The following FTO variants were observed in gnomAD, a reference collection of about 807,000 sequenced individuals.
FTO encodes the protein FTO alpha-ketoglutarate dependent dioxygenase.
Under a neutral mutation model 63.9 loss-of-function variants are expected in FTO, and 47 were observed. The observed-to-expected ratio is 0.74, with a 90% CI of 0.58 to 0.94. The LOEUF (loss-of-function observed/expected upper bound fraction) is 0.94. FTO is among the 40% of genes least tolerant of loss of function. The pLI, the probability that FTO is intolerant of heterozygous loss-of-function variation, is 0.00. For synonymous variants in FTO, 207 were observed against 224.4 expected (o/e 0.92, Z 0.69); for missense variants, 562 against 618.1 (o/e 0.91, Z 0.96).
chr16:53,909,533 T>A lies in FTO; in HGVS notation c.1239+20582T>A, dbSNP rs924970184. ...AAAAAGAGGGACAGAGAGCCCCGCC[T>A]TTTTTTTTTTTTTTTTTTTTTTTTT... On this transcript the variant is annotated intron_variant, in intron 7 of 8. Transcript: ENST00000471389. Among the ~76,000 whole-genome samples the A allele has an allele frequency of 8.9e-4, 63 of 70,830 alleles. No homozygotes were observed. The East Asian group carries it at 0.019, about 22-fold the overall frequency. The allele number at this position is 70,830 out of a possible 152,430, so 46.5% of individuals were successfully genotyped here. A position where few individuals can be genotyped will look rare whatever the true frequency, so the allele number is the denominator to read the frequency against.
intron 1 of FTO, among the ~76,000 whole-genome samples, chr16:53,802,480 A>T (rs565776376): frequency 6.6e-6 from 1 of 151,980 alleles, no homozygotes; most frequent in African/African-American, 2.4e-5. Context: ...TGCTTTTAAG[A>T]CTTTATCTTT....
chr16:53,839,489 C>T (rs1295809058), intron 3 of FTO, among the ~76,000 whole-genome samples: 2 of 152,154 alleles, frequency 1.3e-5, no homozygotes, highest in African/African-American at 4.8e-5. Flanking sequence ...GGGAAAAACT[C>T]TCACCAAACT....
chr16:54,036,805 G>A (rs2084949604), intron 8 of FTO, among the ~76,000 whole-genome samples: 1 of 152,164 alleles, frequency 6.6e-6, no homozygotes, highest in Non-Finnish European at 1.5e-5. Flanking sequence ...TAGTAATACA[G>A]AGGACACTTA....
At chr16:54,014,856 T>C (rs867001407) in intron 8 of FTO, among the ~76,000 whole-genome samples, 30,309 of 96,510 alleles carry the variant, frequency 0.31, 2,619 homozygotes, top group African/African-American at 0.5. Context: ...CTCTCTTTTT[T>C]TTTTTTTTTT....
intron 8 of FTO, among the ~76,000 whole-genome samples, chr16:53,966,983 C>G (rs766197644): frequency 2.0e-5 from 3 of 152,154 alleles, no homozygotes; most frequent in Admixed American, 6.5e-5. Flanking sequence ...AATCGTTAAT[C>G]TACTGAGTCT....
intron 1 of FTO, among the ~76,000 whole-genome samples, chr16:53,712,769 G>A (rs1402482308): frequency 6.6e-6 from 1 of 152,126 alleles, no homozygotes; most frequent in Admixed American, 6.5e-5. Context: ...ACATTAATAA[G>A]TATCTGGTGA....
At chr16:53,874,479 C>G (rs1194219924) in intron 5 of FTO, among the ~76,000 whole-genome samples, 4 of 152,144 alleles carry the variant, frequency 2.6e-5, no homozygotes, top group African/African-American at 9.7e-5. Flanking sequence ...GTTGGGGTCC[C>G]ATGTACTCAG....
At chr16:53,927,502 G>A (rs911665510) in intron 7 of FTO, among the ~76,000 whole-genome samples, 8 of 152,164 alleles carry the variant, frequency 5.3e-5, no homozygotes, top group Non-Finnish European at 8.8e-5. Context: ...GGAAAGGTCC[G>A]CTTGAAGGTA....
At chr16:53,970,385 T>G (rs763227623) in intron 8 of FTO, among the ~76,000 whole-genome samples, 9 of 151,050 alleles carry the variant, frequency 6.0e-5, no homozygotes, top group Non-Finnish European at 8.9e-5. Context: ...AGGTCAGGAG[T>G]TCGAGACCAG....
At chr16:54,106,163 G>C (rs1433601477) in intron 8 of FTO, among the ~76,000 whole-genome samples, 4 of 152,114 alleles carry the variant, frequency 2.6e-5, no homozygotes, top group Non-Finnish European at 5.9e-5. Flanking sequence ...ATGGTGACCA[G>C]TGTTCACTAA....
Position 53,919,018 on chromosome 16 carries a change from A to G in FTO, c.1240-14967A>G, listed in dbSNP as rs188956072. On this transcript the variant is annotated intron_variant, in intron 7 of 8. Coordinates refer to ENST00000471389, the MANE Select transcript of FTO (RefSeq NM_001080432.3). Reference sequence around the variant, plus strand: ...TATGAGGATCAAATGAGATGAAGTTAATGAAAGCACTTTCCGAACTTTGTC... The same window carrying G: ...TATGAGGATCAAATGAGATGAAGTTGATGAAAGCACTTTCCGAACTTTGTC... Among the ~76,000 whole-genome samples, 858 of 152,310 alleles carry G rather than the reference A, an allele frequency of 5.6e-3. 8 individuals are homozygous for G. Among genetic ancestry groups the G allele is most frequent in the Middle Eastern group, 0.01 (3 of 294 alleles).
chr16:53,756,478 C>G (rs2076927477), intron 1 of FTO, among the ~76,000 whole-genome samples: 1 of 152,312 alleles, frequency 6.6e-6, no homozygotes, highest in South Asian at 2.1e-4. Context: ...TTTTGCCTGA[C>G]TCTTTGGTTT....
At chr16:53,843,579 T>C (rs1197721027) in intron 3 of FTO, among the ~76,000 whole-genome samples, 1 of 152,222 alleles carries the variant, frequency 6.6e-6, no homozygotes, top group Non-Finnish European at 1.5e-5. Flanking sequence ...TTGCTCTTTA[T>C]ATATTTAGAA....
chr16:53,887,969 A>AAT (rs2081045018), intron 6 of FTO: 2 of 152,082 alleles, frequency 1.3e-5, no homozygotes, highest in African/African-American at 4.8e-5. Context: ...AATATTTCCT[A>AAT]ATATATATTG....
At chr16:53,929,045 G>A (rs966513302) in intron 7 of FTO, among the ~76,000 whole-genome samples, 6 of 152,108 alleles carry the variant, frequency 3.9e-5, no homozygotes, top group African/African-American at 1.4e-4. Flanking sequence ...GTTTTGCCAT[G>A]TTGGTCAGGC....
At chr16:54,017,730 T>G (rs2084486659) in intron 8 of FTO, among the ~76,000 whole-genome samples, 1 of 152,030 alleles carries the variant, frequency 6.6e-6, no homozygotes, top group South Asian at 2.1e-4. Flanking sequence ...AAGTCAGAGT[T>G]TAAAAGAAAA....
chr16:53,879,103 A>C (rs2080751381), intron 5 of FTO, among the ~76,000 whole-genome samples: 1 of 152,196 alleles, frequency 6.6e-6, no homozygotes, highest in South Asian at 2.1e-4. Context: ...AGGGCATTTG[A>C]GATAAAAAGT....
chr16:53,952,258 T>C (rs969634444), intron 8 of FTO, among the ~76,000 whole-genome samples: 1 of 152,238 alleles, frequency 6.6e-6, no homozygotes, highest in Non-Finnish European at 1.5e-5. Flanking sequence ...GCTTCTGGTG[T>C]CTTCTTCTTA....
At chr16:54,067,590 A>G (rs1184093966) in intron 8 of FTO, among the ~76,000 whole-genome samples, 1 of 152,232 alleles carries the variant, frequency 6.6e-6, no homozygotes, top group Non-Finnish European at 1.5e-5. Flanking sequence ...CAGTCCGTCC[A>G]TATCACTACC....
Sources: gnomAD v4.1 joint callset for allele counts (sites outside exome capture counted in the v4.1 genomes callset) on GRCh38, gnomAD v4.1.1 for gene constraint, MANE v1.5 for transcripts, NCBI Gene and HGNC (gene_info 2026-07-23, HGNC 2026-07-21) for gene names.